The following POU2AF2 variants were observed in gnomAD, a reference collection of about 807,000 sequenced individuals.
The protein encoded by POU2AF2 is POU class 2 homeobox associating factor 2.
the POU2AF2 span, chr11:111,285,712 C>G: frequency 2.5e-6 from 4 of 1,613,818 alleles, no homozygotes; most frequent in Non-Finnish European, 3.4e-6. Flanking sequence ...CTGTGTCTGC[C>G]GATGCCCTGC....
the POU2AF2 span, among the ~76,000 whole-genome samples, chr11:111,267,053 C>T: frequency 3.3e-5 from 5 of 152,172 alleles, no homozygotes; most frequent in Non-Finnish European, 7.3e-5. Flanking sequence ...CCCAATCAGC[C>T]CCACAGTGTG....
chr11:111,272,011 C>G, the POU2AF2 span, among the ~76,000 whole-genome samples: 5 of 152,100 alleles, frequency 3.3e-5, no homozygotes, highest in East Asian at 1.9e-4. Flanking sequence ...GAGTGAAACT[C>G]CATCTCAAAA....
At chr11:111,246,229 C>G in the POU2AF2 span, among the ~76,000 whole-genome samples, 1 of 152,170 alleles carries the variant, frequency 6.6e-6, no homozygotes, top group African/African-American at 2.4e-5. Context: ...AAGCTCTCAA[C>G]TATAGAGAAA....
chr11:111,257,471 C>T, the POU2AF2 span, among the ~76,000 whole-genome samples: 8 of 151,568 alleles, frequency 5.3e-5, no homozygotes, highest in East Asian at 1.2e-3. Flanking sequence ...GCGATTCAAG[C>T]GATTCTCCTG....
At chr11:111,281,896 T>C in the POU2AF2 span, among the ~76,000 whole-genome samples, 1 of 152,166 alleles carries the variant, frequency 6.6e-6, no homozygotes, top group Non-Finnish European at 1.5e-5. Context: ...TTGGACATTC[T>C]TGTATAAACA....
the POU2AF2 span, among the ~76,000 whole-genome samples, chr11:111,277,272 G>A: frequency 6.6e-6 from 1 of 152,162 alleles, no homozygotes; most frequent in Admixed American, 6.5e-5. Flanking sequence ...AGTACAAAAA[G>A]CTTCATCAAG....
At chr11:111,284,959 T>A in the POU2AF2 span, among the ~76,000 whole-genome samples, 1 of 152,194 alleles carries the variant, frequency 6.6e-6, no homozygotes, top group African/African-American at 2.4e-5. Flanking sequence ...AATGAAGCTC[T>A]AAAGACAGGA....
At chr11:111,283,824 T>C in the POU2AF2 span, among the ~76,000 whole-genome samples, 3 of 152,074 alleles carry the variant, frequency 2.0e-5, no homozygotes, top group African/African-American at 4.8e-5. Flanking sequence ...TCAGTAAATG[T>C]GAATGAATGA....
At chr11:111,261,339 T>C in the POU2AF2 span, among the ~76,000 whole-genome samples, 2 of 152,080 alleles carry the variant, frequency 1.3e-5, no homozygotes, top group Non-Finnish European at 2.9e-5. Flanking sequence ...ACTATTTCAA[T>C]TGAGTTCTAT....
chr11:111,260,856 A>G, the POU2AF2 span, among the ~76,000 whole-genome samples: 1 of 152,254 alleles, frequency 6.6e-6, no homozygotes, highest in Non-Finnish European at 1.5e-5. Context: ...CCCGCCGGAT[A>G]GGCATACTTC....
chr11:111,257,009 G>A, the POU2AF2 span, among the ~76,000 whole-genome samples: 1 of 152,162 alleles, frequency 6.6e-6, no homozygotes. Flanking sequence ...TTAAGTAGTT[G>A]CACCAGATCT....
the POU2AF2 span, among the ~76,000 whole-genome samples, chr11:111,266,663 T>C: frequency 6.6e-6 from 1 of 152,174 alleles, no homozygotes; most frequent in Non-Finnish European, 1.5e-5. Context: ...ACAATAATTA[T>C]CACTTACCAC....
chr11:111,249,726 A>G, the POU2AF2 span, among the ~76,000 whole-genome samples: 3 of 152,280 alleles, frequency 2.0e-5, no homozygotes, highest in African/African-American at 7.2e-5. Context: ...CAGATACTTG[A>G]CAACACTGAT....
At chr11:111,261,035 A>G in the POU2AF2 span, among the ~76,000 whole-genome samples, 5 of 152,264 alleles carry the variant, frequency 3.3e-5, no homozygotes, top group African/African-American at 4.8e-5. Flanking sequence ...AAGAAAAAAT[A>G]TCCCTTGCAT....
At chr11:111,284,182 G>C in the POU2AF2 span, 1 of 1,614,210 alleles carries the variant, frequency 6.2e-7, no homozygotes, top group East Asian at 2.2e-5. Flanking sequence ...CCTCCAGCGT[G>C]GGGAAGCCGT....
the POU2AF2 span, among the ~76,000 whole-genome samples, chr11:111,274,540 A>ATG: frequency 6.0e-5 from 9 of 150,802 alleles, no homozygotes; most frequent in South Asian, 1.0e-3. Flanking sequence ...AGGATTAAGG[A>ATG]TGTGTGTGTG....
the POU2AF2 span, among the ~76,000 whole-genome samples, chr11:111,278,365 C>T: frequency 6.6e-6 from 1 of 152,150 alleles, no homozygotes; most frequent in African/African-American, 2.4e-5. Flanking sequence ...AGTTCGAACT[C>T]GAGGTTGATA....
the POU2AF2 span, among the ~76,000 whole-genome samples, chr11:111,271,459 T>C: frequency 1.3e-5 from 2 of 152,142 alleles, no homozygotes; most frequent in Non-Finnish European, 2.9e-5. Flanking sequence ...TCTCACTCTG[T>C]TACCCAGGCT....
the POU2AF2 span, among the ~76,000 whole-genome samples, chr11:111,258,237 C>T: frequency 3.9e-5 from 6 of 152,134 alleles, no homozygotes; most frequent in African/African-American, 7.2e-5. Context: ...GGAAGTCACG[C>T]GGGTTGCTTG....
Sources: allele counts gnomAD v4.1 joint callset (sites outside exome capture counted in the v4.1 genomes callset), GRCh38; gene constraint gnomAD v4.1.1; transcripts MANE v1.5; gene names NCBI Gene and HGNC (gene_info 2026-07-23, HGNC 2026-07-21).